CLIP2: variants seen among roughly 807,000 people sequenced by gnomAD.
CLIP2 encodes the protein CAP-Gly domain containing linker protein 2, also known as CAP-Gly domain-containing linker protein 2.
A neutral mutation model predicts 111.7 loss-of-function variants in CLIP2; 41 were observed. That is an observed-to-expected ratio of 0.37 (90% CI 0.29 to 0.48). The LOEUF (loss-of-function observed/expected upper bound fraction) is 0.48, where lower values mean the gene tolerates loss of function less well. Among genes scored for constraint, CLIP2 ranks in the 20% least tolerant of loss-of-function variants. CLIP2 has a pLI of 0.99. For synonymous variants in CLIP2, 660 were observed against 644.2 expected (o/e 1.02, Z -0.37); for missense variants, 1,160 against 1,422.1 (o/e 0.82, Z 2.96).
At position 74,400,759 on chromosome 7, in the gene CLIP2, AC is replaced by A. The variant is rs1232926990; in HGVS notation, c.3066+208del. ...AGAAGGAGGCAGCTCTGTCCTGGGA[AC>A]CCCAGTCTGAAGGGGGAGGCAGCCC... On this transcript the variant is annotated intron_variant, in intron 15 of 16. Coordinates refer to ENST00000223398, the MANE Select transcript of CLIP2 (RefSeq NM_003388.5). Among the ~76,000 whole-genome samples, 12 of 151,846 alleles carry A rather than the reference AC, an allele frequency of 7.9e-5. 1 individual carries two copies. Among genetic ancestry groups the A allele is most frequent in the Admixed American group, 7.9e-4 (12 of 15,250 alleles).
intron 7 of CLIP2, among the ~76,000 whole-genome samples, chr7:74,363,114 C>T (rs1790379335): frequency 6.6e-6 from 1 of 152,142 alleles, no homozygotes; most frequent in South Asian, 2.1e-4. Flanking sequence ...AAGCCATTCT[C>T]CTGCCTCAGC....
intron 7 of CLIP2, among the ~76,000 whole-genome samples, chr7:74,361,929 T>A (rs1488107611): frequency 6.6e-6 from 1 of 151,848 alleles, no homozygotes; most frequent in Non-Finnish European, 1.5e-5. Context: ...GGTGAAACCC[T>A]GTCTCTACTA....
At chr7:74,393,312 G>A (rs1281208860) in intron 13 of CLIP2, among the ~76,000 whole-genome samples, 4 of 151,474 alleles carry the variant, frequency 2.6e-5, no homozygotes, top group Non-Finnish European at 4.4e-5. Context: ...ACAGGCATGA[G>A]CCACCGCACT....
rs548664224 is a variant in CLIP2 at position 74,355,618 on chromosome 7, G to GA, written c.804-785dup. ...GAGCCAGACCCTGTCTCGAAAGAAA[G>GA]AAAAAAACTGGATGGGCCCAGTTCT... On this transcript the variant is annotated intron_variant, in intron 4 of 16. Transcript: ENST00000223398. 1.7e-4 allele frequency among the ~76,000 whole-genome samples: 26 copies of GA among 152,134 alleles called. No homozygotes were observed. In the East Asian group the frequency reaches 2.7e-3, roughly 16 times the overall value.
chr7:74,301,242 C>A (rs1031336403), intron 1 of CLIP2, among the ~76,000 whole-genome samples: 1 of 152,150 alleles, frequency 6.6e-6, no homozygotes, highest in Non-Finnish European at 1.5e-5. Flanking sequence ...TGTGTGCACT[C>A]TTTTTATGTC....
At chr7:74,361,209 C>CCTTCCTTCCTTCCTTCCTTCCT (rs1584360324) in intron 7 of CLIP2, among the ~76,000 whole-genome samples, 14 of 19,564 alleles carry the variant, frequency 7.2e-4, no homozygotes, top group African/African-American at 1.1e-3. Context: ...CCTTCCTTCC[C>CCTTCCTTCCTTCCTTCCTTCCT]TCCCTCCCTC....
chr7:74,304,381 C>T (rs1032455190), intron 1 of CLIP2, among the ~76,000 whole-genome samples: 52 of 151,844 alleles, frequency 3.4e-4, no homozygotes, highest in Admixed American at 3.3e-3. Flanking sequence ...CAAAAATTAG[C>T]TGGGCATGAT....
chr7:74,352,698 C>A (rs371113795), intron 3 of CLIP2, among the ~76,000 whole-genome samples: 67 of 132,076 alleles, frequency 5.1e-4, no homozygotes, highest in South Asian at 1.0e-3. Context: ...AACACTGTCT[C>A]AAAAAAAAAA....
intron 2 of CLIP2, among the ~76,000 whole-genome samples, chr7:74,321,454 CTTTAT>C (rs1241187665): frequency 2.0e-5 from 3 of 151,940 alleles, no homozygotes; most frequent in African/African-American, 7.2e-5. Flanking sequence ...AGCGCAATTA[CTTTAT>C]TTTATTTATT....
chr7:74,292,432 G>A (rs1554725515), intron 1 of CLIP2, among the ~76,000 whole-genome samples: 15 of 152,124 alleles, frequency 9.9e-5, no homozygotes. Flanking sequence ...TGTCGCCCAG[G>A]CTGGAGTGCA....
In CLIP2 at chr7:74,376,790, G is replaced by A; in HGVS notation, c.2389G>A (p.Val797Ile). The change falls in exon 10 of 17, where the codon GTC becomes ATC. Residue 797 changes from valine to isoleucine, a missense_variant. Coordinates refer to ENST00000223398, the MANE Select transcript of CLIP2 (RefSeq NM_003388.5). This position sits in a 1 kb window ranked among gnomAD's most constrained non-coding sequence, Gnocchi z 7.1. Reference protein sequence around the residue: ...LLVAENRLQAVEALCSSQHTH... With the variant: ...LLVAENRLQAIEALCSSQHTH... Reference sequence around the variant, plus strand: ...GGTGGCTGAGAACAGACTCCAGGCGGTCGAGGCCCTGTGCTCCTCCCAGCA... The same window carrying A: ...GGTGGCTGAGAACAGACTCCAGGCGATCGAGGCCCTGTGCTCCTCCCAGCA... 6.2e-7 allele frequency: 1 copy of A among 1,607,190 alleles called. No homozygotes were observed. Among genetic ancestry groups the A allele is most frequent in the Non-Finnish European group, 8.5e-7 (1 of 1,177,622 alleles).
chr7:74,342,233 G>A (rs1161525267), intron 3 of CLIP2, among the ~76,000 whole-genome samples: 12 of 152,180 alleles, frequency 7.9e-5, no homozygotes, highest in Middle Eastern at 3.4e-3. Context: ...AAAATTAGCC[G>A]GATGTGGTGG....
chr7:74,377,355 G>C (rs181703858), intron 10 of CLIP2, among the ~76,000 whole-genome samples: 7 of 152,324 alleles, frequency 4.6e-5, no homozygotes, highest in African/African-American at 1.7e-4. Flanking sequence ...TCCCGGAGTG[G>C]GGTCTGGAAG....
chr7:74,372,886 CGTCCCCGCCCCCACCCCCCCACCGT>C, intron 8 of CLIP2, 21 bp from the exon 9 acceptor site: 1 of 370,268 alleles, frequency 2.7e-6, no homozygotes, highest in Non-Finnish European at 5.2e-6. Flanking sequence ...CCCCTCCCTG[CGTCCCCGCCCCCACCCCCCCACCGT>C]GTCCACCCTG....
intron 3 of CLIP2, among the ~76,000 whole-genome samples, chr7:74,349,470 G>GTATATATATA (rs1158400867): frequency 7.7e-4 from 26 of 33,760 alleles, no homozygotes; most frequent in Admixed American, 3.6e-3. Context: ...GTGTGTGTGT[G>GTATATATATA]TATATATATA....
chr7:74,393,480 G>A (rs1024608614), intron 13 of CLIP2, among the ~76,000 whole-genome samples: 1 of 152,024 alleles, frequency 6.6e-6, no homozygotes, highest in Non-Finnish European at 1.5e-5. Context: ...GGGATTACAG[G>A]CATGTGCCAC....
At chr7:74,313,658 C>T (rs1788698731) in intron 1 of CLIP2, among the ~76,000 whole-genome samples, 1 of 151,842 alleles carries the variant, frequency 6.6e-6, no homozygotes, top group African/African-American at 2.4e-5. Context: ...GTGTTGGCAC[C>T]GTTCCCTGGC....
At chr7:74,311,987 T>G (rs1418899569) in intron 1 of CLIP2, among the ~76,000 whole-genome samples, 1 of 151,418 alleles carries the variant, frequency 6.6e-6, no homozygotes, top group Non-Finnish European at 1.5e-5. Context: ...GGCTTACACC[T>G]GTAATCTCAG....
chr7:74,376,166 G>C lies in CLIP2; in HGVS notation c.1765G>C (p.Ala589Pro). 1 of 1,611,386 alleles carries C rather than the reference G, an allele frequency of 6.2e-7. No homozygotes were observed. Among genetic ancestry groups the C allele is most frequent in the Non-Finnish European group, 8.5e-7 (1 of 1,178,818 alleles). Residue 589 changes from alanine to proline, a missense_variant, in exon 10 of 17, where the codon GCA becomes CCA. Transcript: ENST00000223398. The surrounding 1 kb of genome is among the most constrained non-coding windows in gnomAD (Gnocchi z 7.1). ...GCTCCGCGCGGCCAACGAGAAGTAC[G>C]CACAGGAGGTGGCGGGCCTGAAGGA... ...DKLRAANEKY[A>P]QEVAGLKDKV...
Sources: allele counts gnomAD v4.1 joint callset (sites outside exome capture counted in the v4.1 genomes callset), GRCh38; gene constraint gnomAD v4.1.1; non-coding constraint Gnocchi (gnomAD v3.1); transcripts MANE v1.5; gene names NCBI Gene and HGNC (gene_info 2026-07-23, HGNC 2026-07-21).